USF3: variants seen among roughly 807,000 people sequenced by gnomAD.
USF3 encodes the protein upstream transcription factor family member 3, also known as basic helix-loop-helix domain-containing protein USF3.
A neutral mutation model predicts 157.5 loss-of-function variants in USF3; 29 were observed. The observed-to-expected ratio is 0.18, with a 90% CI of 0.14 to 0.25. The LOEUF is 0.25. Ranked by LOEUF, USF3 falls within the 10% of genes least tolerant of loss-of-function variation. The probability of loss-of-function intolerance (pLI) is 1.00; values close to 1 mark genes in which losing one functional copy is unlikely to be tolerated. For missense variants in USF3, 2,381 were observed against 2,667.6 expected (o/e 0.89, Z 2.37); for synonymous variants, 893 against 941.4 (o/e 0.95, Z 0.94).
chr3:113,672,875 A>G (rs1707190839), intron 4 of USF3, among the ~76,000 whole-genome samples: 1 of 152,258 alleles, frequency 6.6e-6, no homozygotes, highest in South Asian at 2.1e-4. Flanking sequence ...TATTTGAGAT[A>G]AAATCCAATA....
chr3:113,674,725 C>G (rs745455921), intron 3 of USF3, 107 bp downstream of exon 3: 26 of 819,862 alleles, frequency 3.2e-5, no homozygotes, highest in Non-Finnish European at 4.7e-5. Context: ...ATAATTTCCT[C>G]GGTATCTAAA....
intron 1 of USF3, among the ~76,000 whole-genome samples, chr3:113,685,510 A>G (rs1707529001): frequency 6.6e-6 from 1 of 151,666 alleles, no homozygotes; most frequent in Admixed American, 6.6e-5. Context: ...AATCTTTAGG[A>G]GTCTACTTGG....
intron 1 of USF3, among the ~76,000 whole-genome samples, chr3:113,681,821 G>A (rs1382114429): frequency 1.3e-5 from 2 of 150,648 alleles, no homozygotes; most frequent in Non-Finnish European, 2.9e-5. Flanking sequence ...CCAGGTTCAA[G>A]CAATTCTCTC....
intron 1 of USF3, among the ~76,000 whole-genome samples, chr3:113,688,122 C>CA (rs1553702231): frequency 3.5e-5 from 5 of 144,174 alleles, no homozygotes; most frequent in Non-Finnish European, 7.7e-5. Context: ...CCCCCACTTT[C>CA]TTTTTTTTTT....
rs1947346644 is a variant in USF3 at position 113,655,824 on chromosome 3, TGTG to T, written c.5855_5857del (p.Pro1952del). 1 of 1,614,064 alleles carries T rather than the reference TGTG, an allele frequency of 6.2e-7. No homozygotes were observed. Among genetic ancestry groups the T allele is most frequent in the Admixed American group, 1.7e-5 (1 of 60,004 alleles). ...GCCATTTCCATGAGACACAGATGGA[TGTG>T]GCAACGCTGGCCTTGCAACCCCATG... On this transcript the variant is annotated inframe_deletion, in exon 7 of 7. Coordinates refer to ENST00000316407, the MANE Select transcript of USF3 (RefSeq NM_001009899.4).
Position 113,652,988 on chromosome 3 carries a change from T to C in USF3, c.*1956A>G. 1 of 1,076,154 alleles carries C rather than the reference T, an allele frequency of 9.3e-7. No individual in the cohort carries two copies. Among genetic ancestry groups the C allele is most frequent in the Admixed American group, 2.2e-5 (1 of 44,934 alleles). The allele number at this position is 1,076,154 out of a possible 1,614,324, so 66.7% of individuals were successfully genotyped here. A position where few individuals can be genotyped will look rare whatever the true frequency, so the allele number is the denominator to read the frequency against. Reference sequence around the variant, plus strand: ...GAGGAAGAGGAACTTGAAAAAGGAATATTCAAGGTGCTGTTCCTGGTGTTA... The same window carrying C: ...GAGGAAGAGGAACTTGAAAAAGGAACATTCAAGGTGCTGTTCCTGGTGTTA... On this transcript the variant is annotated 3_prime_UTR_variant, in exon 7 of 7. Coordinates refer to ENST00000316407, the MANE Select transcript of USF3 (RefSeq NM_001009899.4).
intron 1 of USF3, among the ~76,000 whole-genome samples, chr3:113,686,808 G>A (rs1707559499): frequency 6.6e-6 from 1 of 152,072 alleles, no homozygotes; most frequent in African/African-American, 2.4e-5. Flanking sequence ...TTATACAAAT[G>A]AAATATGCTT....
Position 113,658,810 on chromosome 3 carries a change from C to G in USF3, c.2872G>C (p.Val958Leu). Residue 958 changes from valine to leucine, a missense_variant, in exon 7 of 7, where the codon GTT (valine) becomes CTT (leucine). Val to Leu is a conservative substitution (Grantham distance 32, BLOSUM62 1). Coordinates refer to ENST00000316407, the MANE Select transcript of USF3 (RefSeq NM_001009899.4). Reference protein sequence around the residue: ...PSDPHILVSQVPGLSSTTSTT... With the variant: ...PSDPHILVSQLPGLSSTTSTT... ...CTTGTTGTAGATGACAAACCAGGAACCTGAGAAACCAAAATGTGAGGATCA... is the reference window on the plus strand; with the variant it reads ...CTTGTTGTAGATGACAAACCAGGAAGCTGAGAAACCAAAATGTGAGGATCA... The G allele has an allele frequency of 6.2e-7, 1 of 1,614,046 alleles. No homozygotes were observed. Among genetic ancestry groups the G allele is most frequent in the Non-Finnish European group, 8.5e-7 (1 of 1,180,022 alleles).
intron 6 of USF3, among the ~76,000 whole-genome samples, chr3:113,662,481 A>G (rs940247017): frequency 1.3e-5 from 2 of 152,210 alleles, no homozygotes; most frequent in Non-Finnish European, 1.5e-5. Context: ...AAAGCATCCT[A>G]TTCTCCAGGC....
chr3:113,689,399 G>C (rs915656307), intron 1 of USF3, among the ~76,000 whole-genome samples: 1 of 152,186 alleles, frequency 6.6e-6, no homozygotes, highest in Non-Finnish European at 1.5e-5. Flanking sequence ...TAGAAGTCAA[G>C]TCATCTGGTC....
At position 113,687,725 on chromosome 3, in the gene USF3, A is replaced by C. The variant is rs759561902; in HGVS notation, c.-135+8645T>G. Among the ~76,000 whole-genome samples the C allele has an allele frequency of 1.0e-3, 154 of 152,178 alleles. 2 individuals carry two copies. Among genetic ancestry groups the C allele is most frequent in the Non-Finnish European group, 1.8e-3 (122 of 68,030 alleles). ...TTTCCTCAACTCTAATAACCATATAAATTGGTTCCAGAATGCTAACTCCAC... is the reference window on the plus strand; with the variant it reads ...TTTCCTCAACTCTAATAACCATATACATTGGTTCCAGAATGCTAACTCCAC... On this transcript the variant is annotated intron_variant, in intron 1 of 6. Transcript: ENST00000316407.
rs780864349 is a variant in USF3 at position 113,660,468 on chromosome 3, G to A, written c.1214C>T (p.Pro405Leu). The change falls in exon 7 of 7, where the codon CCT becomes CTT. Residue 405 changes from proline to leucine, a missense_variant. Physicochemically the swap from Pro to Leu is moderately conservative, Grantham distance 98. Transcript: ENST00000316407. ...DNGWTLSCSL[P>L]SSSVSTSDLK... ...ATCTGAAGTACTAACACTTGAAGAA[G>A]GCAAAGAACAAGAAAGAGTCCAACC... The A allele has an allele frequency of 1.2e-6, 2 of 1,614,146 alleles. No homozygotes were observed. Among genetic ancestry groups the A allele is most frequent in the Non-Finnish European group, 1.7e-6 (2 of 1,180,032 alleles).
At chr3:113,689,030 CAAAA>C (rs953206125) in intron 1 of USF3, among the ~76,000 whole-genome samples, 64 of 122,524 alleles carry the variant, frequency 5.2e-4, no homozygotes, top group African/African-American at 1.9e-3. Flanking sequence ...GACTCCATCT[CAAAA>C]AAACAAACAA....
chr3:113,695,622 T>G (rs958119844), intron 1 of USF3, among the ~76,000 whole-genome samples: 6 of 152,186 alleles, frequency 3.9e-5, no homozygotes. Context: ...TGCACTTTGG[T>G]TTATGCAGTC....
intron 1 of USF3, among the ~76,000 whole-genome samples, chr3:113,687,254 CA>C (rs1707576143): frequency 6.6e-6 from 1 of 151,466 alleles, no homozygotes; most frequent in Admixed American, 6.6e-5. Flanking sequence ...CACACACACA[CA>C]CACACACACA....
intron 2 of USF3, among the ~76,000 whole-genome samples, chr3:113,676,942 C>T (rs928594414): frequency 3.3e-5 from 5 of 152,046 alleles, no homozygotes; most frequent in African/African-American, 1.2e-4. Flanking sequence ...CACAAGACCA[C>T]GTTACCTAGT....
rs1343710273 is a variant in USF3 at position 113,655,386 on chromosome 3, A to C, written c.6296T>G (p.Ile2099Ser). 1 of 1,614,016 alleles carries C rather than the reference A, an allele frequency of 6.2e-7. No homozygotes were observed. The highest frequency in any genetic ancestry group is 1.7e-5 in the Admixed American group (1 of 59,994). The change falls in exon 7 of 7, where the codon ATC (isoleucine) becomes AGC (serine). Residue 2099 changes from isoleucine (I) to serine (S), a missense_variant. Coordinates refer to ENST00000316407, the MANE Select transcript of USF3 (RefSeq NM_001009899.4). ...QPSATRTPAL[I>S]PVDPQNTLPS... is the part of the protein sequence containing the mutation. ...CAGAGTATTTTGCGGATCTACCGGG[A>C]TGAGGGCTGGAGTTCGAGTGGCACT...
intron 1 of USF3, among the ~76,000 whole-genome samples, chr3:113,689,922 T>A (rs1424261452): frequency 6.6e-6 from 1 of 152,108 alleles, no homozygotes; most frequent in Admixed American, 6.5e-5. Context: ...GGCCCAACAA[T>A]CTCTTCTCTT....
chr3:113,665,029 T>C (rs1473813462), intron 5 of USF3, among the ~76,000 whole-genome samples: 1 of 152,218 alleles, frequency 6.6e-6, no homozygotes, highest in Non-Finnish European at 1.5e-5. Context: ...TCTATGGCAT[T>C]TTTGTTGCAG....
Sources: gnomAD v4.1 joint callset for allele counts (sites outside exome capture counted in the v4.1 genomes callset) on GRCh38, gnomAD v4.1.1 for gene constraint, MANE v1.5 for transcripts, NCBI Gene and HGNC (gene_info 2026-07-23, HGNC 2026-07-21) for gene names.